NAV2: variants seen among roughly 807,000 people sequenced by gnomAD.
NAV2 encodes neuron navigator 2, also known as helicase, APC down-regulated 1.
NAV2 carries 54 observed loss-of-function variants against 223.2 expected under a neutral mutation model. The observed-to-expected ratio is 0.24, with a 90% CI of 0.19 to 0.30. The LOEUF is 0.30. NAV2 is among the 10% of genes least tolerant of loss of function. The pLI, the probability that NAV2 is intolerant of heterozygous loss-of-function variation, is 1.00. For synonymous variants in NAV2, 1,279 were observed against 1,239.3 expected (o/e 1.03, Z -0.67); for missense variants, 2,806 against 3,147.5 (o/e 0.89, Z 2.60).
chr11:19,970,157 C>T (rs1278437944), intron 10 of NAV2, among the ~76,000 whole-genome samples: 2 of 152,030 alleles, frequency 1.3e-5, no homozygotes, highest in African/African-American at 4.8e-5. Context: ...CAAGGGAGGA[C>T]TACAGTGAAA....
chr11:20,010,618 A>G (rs914784417), intron 11 of NAV2, among the ~76,000 whole-genome samples: 1 of 152,108 alleles, frequency 6.6e-6, no homozygotes, highest in African/African-American at 2.4e-5. Context: ...AGTCTATAAT[A>G]TATGTACAGC....
chr11:19,680,147 A>G (rs1328636692), intron 1 of NAV2, among the ~76,000 whole-genome samples: 1 of 152,212 alleles, frequency 6.6e-6, no homozygotes, highest in Non-Finnish European at 1.5e-5. Flanking sequence ...TTTGGATGTT[A>G]TTCCAGCACC....
intron 6 of NAV2, among the ~76,000 whole-genome samples, chr11:19,898,886 TAAC>T (rs2042218812): frequency 6.6e-6 from 1 of 152,208 alleles, no homozygotes; most frequent in African/African-American, 2.4e-5. Flanking sequence ...GAAGCTGAAA[TAAC>T]AAGACCATTT....
chr11:19,833,108 C>A (rs912447285), intron 2 of NAV2, among the ~76,000 whole-genome samples: 1 of 152,234 alleles, frequency 6.6e-6, no homozygotes, highest in Non-Finnish European at 1.5e-5. Flanking sequence ...TGGAATTTGT[C>A]ATGCCTTGAC....
intron 1 of NAV2, among the ~76,000 whole-genome samples, chr11:19,637,738 G>A (rs2047545936): frequency 2.0e-5 from 3 of 152,242 alleles, no homozygotes; most frequent in Admixed American, 1.3e-4. Context: ...TATCACTGAG[G>A]TGATGGCCTA....
At chr11:19,394,472 G>A (rs1849372477) in intron 1 of NAV2, among the ~76,000 whole-genome samples, 1 of 152,174 alleles carries the variant, frequency 6.6e-6, no homozygotes, top group African/African-American at 2.4e-5. Context: ...GCGCATAGTG[G>A]TCAATGTAAG....
chr11:19,635,011 C>A (rs1346318500), intron 1 of NAV2, among the ~76,000 whole-genome samples: 1 of 152,170 alleles, frequency 6.6e-6, no homozygotes, highest in Non-Finnish European at 1.5e-5. Context: ...TGACTTCAAA[C>A]AATAAAAGTG....
intron 1 of NAV2, among the ~76,000 whole-genome samples, chr11:19,378,129 G>A (rs1397214324): frequency 6.6e-6 from 1 of 152,202 alleles, no homozygotes; most frequent in African/African-American, 2.4e-5. Context: ...AGCTCCATGT[G>A]CAGTGAAGTG....
chr11:19,742,386 C>T (rs1242469699), intron 1 of NAV2, among the ~76,000 whole-genome samples: 2 of 152,238 alleles, frequency 1.3e-5, no homozygotes, highest in Middle Eastern at 3.2e-3. Context: ...GCACTTAACA[C>T]AGAGTCTGGC....
At chr11:19,702,749 G>T (rs2049542935) in intron 1 of NAV2, among the ~76,000 whole-genome samples, 1 of 151,028 alleles carries the variant, frequency 6.6e-6, no homozygotes, top group African/African-American at 2.4e-5. Context: ...TTGCACTTCA[G>T]CCTGAGTGAC....
intron 1 of NAV2, among the ~76,000 whole-genome samples, chr11:19,445,897 A>G (rs1851566615): frequency 6.6e-6 from 1 of 152,144 alleles, no homozygotes; most frequent in Non-Finnish European, 1.5e-5. Context: ...TATTATCCCC[A>G]TAGTACAGGT....
At chr11:19,755,513 T>C (rs1393856781) in intron 1 of NAV2, among the ~76,000 whole-genome samples, 2 of 15,102 alleles carry the variant, frequency 1.3e-4, no homozygotes, top group Middle Eastern at 0.014. Context: ...TAGAGGCTGA[T>C]GAAAGTCCAA....
In NAV2 at chr11:19,713,552, C is replaced by T. The variant is rs1332755753; in HGVS notation, c.-144C>T. The stretch of plus-strand genomic sequence containing the variant: ...GCCCGATTGCTTCGAGTTCCCCGAC[C>T]TGGGGATTTTTTTTTTAGCCGCTGG... On this transcript the variant is annotated 5_prime_UTR_variant, in exon 1 of 38. Coordinates refer to ENST00000349880, the MANE Select transcript of NAV2 (RefSeq NM_145117.5). The surrounding 1 kb of genome is among the most constrained non-coding windows in gnomAD (Gnocchi z 7.2). The T allele has an allele frequency of 1.4e-6, 2 of 1,407,332 alleles. No individual in the cohort carries two copies. Among genetic ancestry groups the T allele is most frequent in the South Asian group, 1.7e-5 (1 of 58,866 alleles). 87.2% of individuals were successfully genotyped at this position (1,407,332 alleles called of 1,614,324 possible).
Position 19,382,673 on chromosome 11 carries a change from G to A in NAV2, c.75+31646G>A, listed in dbSNP as rs529582694. ...CAATAGTAGCTGAAACTTATATAAG[G>A]TTTGCTCTGTGTCAGACATTGTTCT... On this transcript the variant is annotated intron_variant, in intron 1 of 37. Coordinates refer to the NAV2 transcript ENST00000360655. 2.6e-5 allele frequency among the ~76,000 whole-genome samples: 4 copies of A among 152,300 alleles called. No individual in the cohort carries two copies. In the East Asian group the frequency reaches 7.7e-4, roughly 29 times the overall value.
At chr11:19,369,646 G>C (rs1848406146) in intron 1 of NAV2, among the ~76,000 whole-genome samples, 1 of 152,108 alleles carries the variant, frequency 6.6e-6, no homozygotes, top group Non-Finnish European at 1.5e-5. Flanking sequence ...TTTTATTGTA[G>C]AATGAAATGC....
chr11:19,559,062 A>T (rs1387596751), intron 1 of NAV2, among the ~76,000 whole-genome samples: 2 of 152,224 alleles, frequency 1.3e-5, no homozygotes, highest in Non-Finnish European at 2.9e-5. Context: ...TAAGGAAGAG[A>T]GACACAGGCC....
chr11:19,876,306 G>A (rs1010468134), intron 4 of NAV2, among the ~76,000 whole-genome samples: 9 of 152,230 alleles, frequency 5.9e-5, no homozygotes, highest in African/African-American at 2.2e-4. Flanking sequence ...GATTACAGGA[G>A]TTTACCACCA....
At chr11:19,816,988 C>T (rs1019548973) in intron 1 of NAV2, among the ~76,000 whole-genome samples, 1 of 152,062 alleles carries the variant, frequency 6.6e-6, no homozygotes, top group African/African-American at 2.4e-5. Flanking sequence ...CTACTTCTCC[C>T]AGATAAATCA....
intron 1 of NAV2, among the ~76,000 whole-genome samples, chr11:19,438,552 C>G (rs774968149): frequency 2.0e-5 from 3 of 152,196 alleles, no homozygotes; most frequent in Non-Finnish European, 4.4e-5. Context: ...CTCCAGACAC[C>G]AACCATTCCA....
Sources: allele counts gnomAD v4.1 joint callset (sites outside exome capture counted in the v4.1 genomes callset), GRCh38; gene constraint gnomAD v4.1.1; non-coding constraint Gnocchi (gnomAD v3.1); transcripts MANE v1.5; gene names NCBI Gene and HGNC (gene_info 2026-07-23, HGNC 2026-07-21).